The following DDR2 variants were observed in gnomAD, a reference collection of about 807,000 sequenced individuals.
DDR2 encodes the protein discoidin domain receptor tyrosine kinase 2, also known as discoidin domain-containing receptor 2.
Under a neutral mutation model 94.9 loss-of-function variants are expected in DDR2, and 27 were observed. The observed-to-expected ratio is 0.28, with a 90% CI of 0.21 to 0.39. DDR2 has a LOEUF of 0.39. Among genes scored for constraint, DDR2 ranks in the 10% least tolerant of loss-of-function variants. The pLI, the probability that DDR2 is intolerant of heterozygous loss-of-function variation, is 1.00. For synonymous variants in DDR2, 382 were observed against 377.2 expected, an observed-to-expected ratio of 1.01 and a Z score of -0.15; for missense variants, 783 against 1,076.0, an observed-to-expected ratio of 0.73 and a Z score of 3.81.
At chr1:162,743,562 G>A (rs990310096) in intron 3 of DDR2, among the ~76,000 whole-genome samples, 23 of 152,116 alleles carry the variant, frequency 1.5e-4, no homozygotes, top group Admixed American at 1.5e-3. Context: ...TCTTCATGTA[G>A]TTTCTTTTTT....
Position 162,775,670 on chromosome 1 carries a change from G to A in DDR2, c.1875G>A (p.Glu625=), listed in dbSNP as rs757464388. 6.2e-7 allele frequency: 1 copy of A among 1,614,066 alleles called. No individual in the cohort carries two copies. Among genetic ancestry groups the A allele is most frequent in the South Asian group, 1.1e-5 (1 of 91,072 alleles). ...NKNARNDFLK[E]IKIMSRLKDP... ...TCCCAAGGAATGATTTTCTTAAGGAGATAAAGATCATGTCTCGGCTCAAGG... is the reference window on the plus strand; with the variant it reads ...TCCCAAGGAATGATTTTCTTAAGGAAATAAAGATCATGTCTCGGCTCAAGG... The change falls in exon 15 of 18, where the codon GAG becomes GAA. Residue 625 remains glutamate, a synonymous_variant. Coordinates refer to ENST00000367921, the MANE Select transcript of DDR2 (RefSeq NM_006182.4).
chr1:162,761,925 T>C (rs187498063), intron 9 of DDR2, among the ~76,000 whole-genome samples: 40 of 152,332 alleles, frequency 2.6e-4, no homozygotes, highest in African/African-American at 9.4e-4. Context: ...AAATATGAGA[T>C]ACTACTTGAT....
chr1:162,655,939 A>G (rs940557401), intron 2 of DDR2, among the ~76,000 whole-genome samples: 2 of 152,194 alleles, frequency 1.3e-5, no homozygotes, highest in African/African-American at 4.8e-5. Flanking sequence ...AACCTAGCCC[A>G]GGGATACTGA....
At chr1:162,739,498 G>GA (rs1490660514) in intron 3 of DDR2, among the ~76,000 whole-genome samples, 2 of 151,852 alleles carry the variant, frequency 1.3e-5, no homozygotes, top group Non-Finnish European at 2.9e-5. Flanking sequence ...ATGGAGACAG[G>GA]GTTTTACCAT....
intron 2 of DDR2, among the ~76,000 whole-genome samples, chr1:162,696,026 G>A (rs928550685): frequency 1.3e-5 from 2 of 152,084 alleles, no homozygotes; most frequent in Non-Finnish European, 2.9e-5. Context: ...GTAGATCAAT[G>A]AACTCATTCT....
intron 4 of DDR2, among the ~76,000 whole-genome samples, chr1:162,754,255 A>C (rs1663349901): frequency 6.6e-6 from 1 of 152,156 alleles, no homozygotes; most frequent in Non-Finnish European, 1.5e-5. Context: ...TGTCCAAGCA[A>C]AGGGTGGCTA....
intron 1 of DDR2, among the ~76,000 whole-genome samples, chr1:162,642,696 G>A (rs1489397417): frequency 3.3e-5 from 5 of 152,130 alleles, no homozygotes; most frequent in African/African-American, 1.2e-4. Flanking sequence ...CAGTGCTGGT[G>A]TCTTTCTCTT....
chr1:162,654,782 CAT>C, intron 1 of DDR2, among the ~76,000 whole-genome samples: 1 of 152,242 alleles, frequency 6.6e-6, no homozygotes, highest in Non-Finnish European at 1.5e-5. Flanking sequence ...TGACATGTGC[CAT>C]TGCAGCACAT....
chr1:162,710,336 G>A (rs551503403), intron 2 of DDR2, among the ~76,000 whole-genome samples: 1 of 152,268 alleles, frequency 6.6e-6, no homozygotes, highest in African/African-American at 2.4e-5. Context: ...CTTACGGAAG[G>A]GGTCATTCTG....
chr1:162,698,744 G>T (rs1660301814), intron 2 of DDR2, among the ~76,000 whole-genome samples: 1 of 152,126 alleles, frequency 6.6e-6, no homozygotes, highest in Non-Finnish European at 1.5e-5. Context: ...TAGGCACTTT[G>T]TAATTTACCA....
intron 3 of DDR2, among the ~76,000 whole-genome samples, chr1:162,742,636 T>C (rs1349531215): frequency 6.8e-6 from 1 of 146,772 alleles, no homozygotes; most frequent in Admixed American, 6.8e-5. Flanking sequence ...ACCTCCAGCA[T>C]TGGGGATTAC....
chr1:162,754,555 C>A, intron 4 of DDR2, 69 bp from the exon 5 acceptor site: 1 of 1,510,702 alleles, frequency 6.6e-7, no homozygotes, highest in Non-Finnish European at 9.2e-7. Flanking sequence ...CAGCTGCTTG[C>A]CTGTGAACCA....
intron 3 of DDR2, among the ~76,000 whole-genome samples, chr1:162,727,022 A>G (rs1661705097): frequency 6.8e-6 from 1 of 147,938 alleles, no homozygotes; most frequent in Non-Finnish European, 1.5e-5. Flanking sequence ...AAACAAATAT[A>G]ATATATATGA....
At chr1:162,653,195 G>C (rs376001327) in intron 1 of DDR2, among the ~76,000 whole-genome samples, 3 of 152,288 alleles carry the variant, frequency 2.0e-5, no homozygotes, top group Middle Eastern at 3.4e-3. Context: ...GTGAGGTGGG[G>C]TTTCCTTTAG....
upstream of DDR2, chr1:162,632,048 A>G (rs1656583518): frequency 6.7e-6 from 1 of 148,374 alleles, no homozygotes; most frequent in Non-Finnish European, 1.5e-5. Flanking sequence ...GGAAGCTTCA[A>G]TTGGAAAACT....
chr1:162,760,989 T>C (rs1191002289), intron 8 of DDR2, among the ~76,000 whole-genome samples: 1 of 152,006 alleles, frequency 6.6e-6, no homozygotes, highest in Non-Finnish European at 1.5e-5. Flanking sequence ...AATGAAATTG[T>C]TTTAGATTGT....
chr1:162,703,623 C>T (rs563514537), intron 2 of DDR2, among the ~76,000 whole-genome samples: 57 of 152,278 alleles, frequency 3.7e-4, no homozygotes, highest in African/African-American at 1.3e-3. Context: ...TTCTTGATCA[C>T]CTGTCTGTGG....
chr1:162,673,732 TAAAAC>T (rs145557802), intron 2 of DDR2, among the ~76,000 whole-genome samples: 36 of 150,972 alleles, frequency 2.4e-4, no homozygotes, highest in East Asian at 1.6e-3. Context: ...GCACTTTAGT[TAAAAC>T]AAAACAAAAC....
At chr1:162,751,475 A>G (rs1663190281) in intron 3 of DDR2, among the ~76,000 whole-genome samples, 1 of 152,232 alleles carries the variant, frequency 6.6e-6, no homozygotes, top group Non-Finnish European at 1.5e-5. Context: ...TAGAATGGCA[A>G]TCATTAAAAA....
Sources: gnomAD v4.1 joint callset for allele counts (sites outside exome capture counted in the v4.1 genomes callset) on GRCh38, gnomAD v4.1.1 for gene constraint, MANE v1.5 for transcripts, NCBI Gene and HGNC (gene_info 2026-07-23, HGNC 2026-07-21) for gene names.